Variants in SLC5A12 observed in about 807,000 individuals in gnomAD.
SLC5A12 encodes the protein solute carrier family 5 member 12.
SLC5A12 carries 46 observed loss-of-function variants against 72.7 expected under a neutral mutation model. The ratio of observed to expected loss-of-function variants is 0.63; its 90% CI spans 0.50 to 0.81. The LOEUF is 0.81. Among genes scored for constraint, SLC5A12 ranks in the 30% least tolerant of loss-of-function variants. The pLI is 0.00. For missense variants in SLC5A12, 683 were observed against 740.7 expected (o/e 0.92, Z 0.90); for synonymous variants, 275 against 264.4 (o/e 1.04, Z -0.39).
At chr11:26,723,078 C>T (rs1466666690), upstream of SLC5A12, among the ~76,000 whole-genome samples, 2 of 151,638 alleles carry the variant, frequency 1.3e-5, no homozygotes, top group Non-Finnish European at 2.9e-5. Context: ...GTCCATATAC[C>T]CAATACATTA....
At chr11:26,695,916 C>T (rs75714935) in intron 8 of SLC5A12, among the ~76,000 whole-genome samples, 1 of 152,160 alleles carries the variant, frequency 6.6e-6, no homozygotes, top group Admixed American at 6.6e-5. Flanking sequence ...TACAGTTTGT[C>T]TCCGCAGGGC....
At position 26,721,329 on chromosome 11, in the gene SLC5A12, AG is replaced by A. The variant is rs112477229; in HGVS notation, c.339+46del. Reference sequence around the variant, plus strand: ...CTTCAACTACCAGGTGCTATCATCAAGAGGATGAGAAAAAAAAATTAGAGAA... The same window carrying A: ...CTTCAACTACCAGGTGCTATCATCAAAGGATGAGAAAAAAAAATTAGAGAA... On this transcript the variant is annotated intron_variant, in intron 1 of 14. Transcript: ENST00000396005. 8,101 of 1,433,834 alleles carry A rather than the reference AG, an allele frequency of 5.6e-3. 179 individuals are homozygous for A. In the East Asian group the frequency reaches 0.077, roughly 14 times the overall value. 88.8% of individuals were successfully genotyped at this position (1,433,834 alleles called of 1,614,324 possible).
At chr11:26,722,746 C>T (rs1480125730), upstream of SLC5A12, among the ~76,000 whole-genome samples, 1 of 152,110 alleles carries the variant, frequency 6.6e-6, no homozygotes, top group East Asian at 1.9e-4. Context: ...CCTGTTTCTG[C>T]TCTCTTTAGA....
chr11:26,691,779 A>G (rs1854681369), intron 9 of SLC5A12: 1 of 152,226 alleles, frequency 6.6e-6, no homozygotes, highest in South Asian at 2.1e-4. Context: ...TGAAACTGCA[A>G]TTATCTCTGA....
At position 26,718,340 on chromosome 11, in the gene SLC5A12, T is replaced by G. The variant is rs181741396; in HGVS notation, c.339+3036A>C. On this transcript the variant is annotated intron_variant, in intron 1 of 14. Transcript: ENST00000396005. Reference sequence around the variant, plus strand: ...AGATAGATGTTTTTATTACCACTATTTTACACATGTGAAAACCAGGTATAT... The same window carrying G: ...AGATAGATGTTTTTATTACCACTATGTTACACATGTGAAAACCAGGTATAT... Among the ~76,000 whole-genome samples the G allele has an allele frequency of 3.2e-3, 495 of 152,338 alleles. 3 individuals are homozygous for G. Among genetic ancestry groups the G allele is most frequent in the Middle Eastern group, 0.017 (5 of 294 alleles).
intron 13 of SLC5A12, among the ~76,000 whole-genome samples, chr11:26,677,853 T>C (rs1854300325): frequency 6.6e-6 from 1 of 152,092 alleles, no homozygotes; most frequent in Non-Finnish European, 1.5e-5. Flanking sequence ...ATAATAGTCA[T>C]GGAAAAATAG....
At chr11:26,706,748 C>A (rs879694607) in intron 4 of SLC5A12, among the ~76,000 whole-genome samples, 3 of 151,328 alleles carry the variant, frequency 2.0e-5, no homozygotes, top group Non-Finnish European at 4.4e-5. Flanking sequence ...GATTTACATT[C>A]TATTTTTATA....
chr11:26,703,506 A>C (rs1208422047), intron 6 of SLC5A12, 25 bp downstream of exon 6: 3 of 1,610,298 alleles, frequency 1.9e-6, no homozygotes, highest in Non-Finnish European at 2.5e-6. Flanking sequence ...TAAAACATTA[A>C]AATTTTTCTT....
chr11:26,695,653 C>T (rs117011906), intron 8 of SLC5A12, among the ~76,000 whole-genome samples: 1,704 of 152,200 alleles, frequency 0.011, 16 homozygotes, highest in Non-Finnish European at 0.017. Context: ...GGTCAATTGG[C>T]TATTTTTCTT....
At chr11:26,673,597 A>G (rs1854196534) in intron 13 of SLC5A12, 68 bp from the exon 14 acceptor site, 1 of 1,441,072 alleles carries the variant, frequency 6.9e-7, no homozygotes, top group Non-Finnish European at 9.1e-7. Context: ...AGATTTAAAC[A>G]TTGTCAACTT....
In SLC5A12 at chr11:26,668,387, G is replaced by A. The variant is rs528687344; in HGVS notation, c.*2715C>T. 5.9e-5 allele frequency: 9 copies of A among 152,104 alleles called. No homozygotes were observed. In the South Asian group the frequency reaches 1.9e-3, roughly 32 times the overall value. 9.4% of individuals were successfully genotyped at this position (152,104 alleles called of 1,614,324 possible). ...CATCATTCCTAGTGCCATTTATTGA[G>A]AATGTCTCTGGTCATGCTGTGGCAA... On this transcript the variant is annotated 3_prime_UTR_variant, in exon 15 of 15. Coordinates refer to ENST00000396005, the MANE Select transcript of SLC5A12 (RefSeq NM_178498.4).
intron 13 of SLC5A12, among the ~76,000 whole-genome samples, chr11:26,674,619 T>C (rs979205766): frequency 6.6e-6 from 1 of 152,062 alleles, no homozygotes; most frequent in Admixed American, 6.6e-5. Flanking sequence ...GCCAAGCTGG[T>C]CTCAAACTCC....
At chr11:26,692,657 G>T in intron 8 of SLC5A12, 56 bp from the exon 9 acceptor site, 2 of 1,255,336 alleles carry the variant, frequency 1.6e-6, no homozygotes, top group Non-Finnish European at 1.2e-6. Flanking sequence ...GGAGCTACCA[G>T]CCTGCCCTCT....
At chr11:26,690,345 G>A (rs990408679) in intron 9 of SLC5A12, among the ~76,000 whole-genome samples, 3 of 151,600 alleles carry the variant, frequency 2.0e-5, no homozygotes, top group Non-Finnish European at 4.4e-5. Context: ...ATGCTACAAG[G>A]CTATAATATA....
At chr11:26,682,942 A>G (rs1448942646) in intron 11 of SLC5A12, among the ~76,000 whole-genome samples, 1 of 152,136 alleles carries the variant, frequency 6.6e-6, no homozygotes, top group Non-Finnish European at 1.5e-5. Context: ...TCTAAGAGAA[A>G]GGTCAATAAG....
At chr11:26,703,405 C>G (rs977870039) in intron 6 of SLC5A12, 126 bp downstream of exon 6, 3 of 996,800 alleles carry the variant, frequency 3.0e-6, no homozygotes, top group Admixed American at 5.3e-5. Flanking sequence ...CTCTCTGCCT[C>G]TCTCTTACAC....
intron 13 of SLC5A12, among the ~76,000 whole-genome samples, 173 bp downstream of exon 13, chr11:26,678,539 T>C (rs1466538072): frequency 1.3e-5 from 2 of 152,044 alleles, no homozygotes; most frequent in Non-Finnish European, 2.9e-5. Context: ...TAGTCAGGTA[T>C]ATAATAATGA....
At chr11:26,699,635 T>C (rs960058636) in intron 6 of SLC5A12, among the ~76,000 whole-genome samples, 5 of 152,214 alleles carry the variant, frequency 3.3e-5, no homozygotes, top group Admixed American at 6.5e-5. Context: ...AAATGAGCAA[T>C]ACCGATAATT....
At chr11:26,697,644 A>C (rs1854853804) in intron 7 of SLC5A12, among the ~76,000 whole-genome samples, 1 of 152,166 alleles carries the variant, frequency 6.6e-6, no homozygotes, top group Non-Finnish European at 1.5e-5. Context: ...TGGAGTTTTC[A>C]AAACCATGTT....
Sources: allele counts gnomAD v4.1 joint callset (sites outside exome capture counted in the v4.1 genomes callset), GRCh38; gene constraint gnomAD v4.1.1; transcripts MANE v1.5; gene names NCBI Gene and HGNC (gene_info 2026-07-23, HGNC 2026-07-21).